Variants in FRMPD4 observed in about 807,000 individuals in gnomAD.
FRMPD4 encodes the protein FERM and PDZ domain containing 4.
A neutral mutation model predicts 94.1 loss-of-function variants in FRMPD4; 22 were observed. The ratio of observed to expected loss-of-function variants is 0.23; its 90% CI spans 0.17 to 0.33. The LOEUF (loss-of-function observed/expected upper bound fraction) is 0.33. Ranked by LOEUF, FRMPD4 falls within the 10% of genes least tolerant of loss-of-function variation. The pLI is 1.00. For synonymous variants in FRMPD4, 631 were observed against 548.6 expected, an observed-to-expected ratio of 1.15 and a Z score of -2.10; for missense variants, 1,111 against 1,339.9, an observed-to-expected ratio of 0.83 and a Z score of 2.67.
chrX:12,052,061 G>C (rs746324689), intron 3 of FRMPD4, among the ~76,000 whole-genome samples: 19 of 111,499 alleles, frequency 1.7e-4, no homozygotes, highest in East Asian at 5.6e-4. Context: ...CATATTTTAA[G>C]GTATACCTCA....
chrX:12,346,521 C>G (rs776544745), intron 1 of FRMPD4, among the ~76,000 whole-genome samples: 7 of 111,339 alleles, frequency 6.3e-5, no homozygotes, highest in African/African-American at 2.3e-4. Flanking sequence ...AAAATAATAC[C>G]TACTCCAGAG....
intron 3 of FRMPD4, among the ~76,000 whole-genome samples, chrX:12,011,078 C>T (rs974946306): frequency 1.8e-5 from 2 of 112,251 alleles, no homozygotes; most frequent in African/African-American, 6.5e-5. Flanking sequence ...CTTCAACCCA[C>T]CCCCTTAATG....
At chrX:12,087,426 A>G (rs889572044) in intron 3 of FRMPD4, among the ~76,000 whole-genome samples, 1 of 111,879 alleles carries the variant, frequency 8.9e-6, no homozygotes, top group Non-Finnish European at 1.9e-5. Context: ...TCCTCTTAGA[A>G]TTCCTTGCTC....
intron 1 of FRMPD4, among the ~76,000 whole-genome samples, chrX:12,159,928 G>A (rs1170806351): frequency 1.8e-5 from 2 of 111,855 alleles, no homozygotes; most frequent in South Asian, 3.8e-4. Flanking sequence ...GGAAGTGGGT[G>A]TGGAAAGATT....
chrX:12,624,024 A>G (rs1426103554), intron 4 of FRMPD4, among the ~76,000 whole-genome samples: 4 of 112,252 alleles, frequency 3.6e-5, no homozygotes, highest in African/African-American at 6.5e-5. Context: ...AAAAGAGAAT[A>G]CTATACACAA....
intron 2 of FRMPD4, among the ~76,000 whole-genome samples, chrX:12,580,361 G>C (rs2058852325): frequency 8.9e-6 from 1 of 111,911 alleles, no homozygotes. Flanking sequence ...TCTCTGTACA[G>C]TAGTCTCCCC....
chrX:12,327,369 G>C (rs1601821609), intron 1 of FRMPD4, among the ~76,000 whole-genome samples: 1 of 111,845 alleles, frequency 8.9e-6, no homozygotes, highest in East Asian at 2.8e-4. Context: ...TTATTACCAA[G>C]GGACTTAATT....
chrX:12,583,848 A>G (rs765778885), intron 2 of FRMPD4, among the ~76,000 whole-genome samples: 2 of 111,990 alleles, frequency 1.8e-5, no homozygotes, highest in East Asian at 5.6e-4. Flanking sequence ...TGACTCTTCT[A>G]GGGAACAACC....
chrX:12,693,102 G>A (rs1313254823), intron 8 of FRMPD4, among the ~76,000 whole-genome samples: 1 of 112,217 alleles, frequency 8.9e-6, no homozygotes, highest in African/African-American at 3.2e-5. Flanking sequence ...TTAGCGAACT[G>A]TAAATACATA....
chrX:12,701,871 C>T lies in FRMPD4; in HGVS notation c.934-3C>T, dbSNP rs780688814. 1 of 1,211,161 alleles carries T rather than the reference C, an allele frequency of 8.3e-7. No individual in the cohort carries two copies. Among genetic ancestry groups the T allele is most frequent in the South Asian group, 1.8e-5 (1 of 56,904 alleles). On this transcript the variant is annotated splice_polypyrimidine_tract_variant and splice_region_variant and intron_variant, in intron 9 of 16. Transcript: ENST00000675598. The stretch of plus-strand genomic sequence containing the variant: ...GCTGTGCCCCCTGCTGGTCTCTTCG[C>T]AGAGTTGTAACGATGTGGTTCAGGA...
intron 3 of FRMPD4, among the ~76,000 whole-genome samples, chrX:11,925,153 A>C (rs996398607): frequency 3.7e-5 from 4 of 107,880 alleles, no homozygotes; most frequent in Non-Finnish European, 5.8e-5. Flanking sequence ...AAAAAAAAAA[A>C]CATGAAGAAG....
rs1338458353 is a variant in FRMPD4, at chrX:12,722,514, C to G, written c.*656C>G. On this transcript the variant is annotated 3_prime_UTR_variant, in exon 17 of 17. Transcript: ENST00000675598. Reference sequence around the variant, plus strand: ...GTGGGGATGGATTCTACTGTGTCAGCACAAATGCTCTTCACAGTGGTTCTA... The same window carrying G: ...GTGGGGATGGATTCTACTGTGTCAGGACAAATGCTCTTCACAGTGGTTCTA... The G allele has an allele frequency of 1.8e-5, 2 of 111,811 alleles. No homozygotes were observed. The highest frequency in any genetic ancestry group is 5.6e-4 in the East Asian group (2 of 3,575). The allele number at this position is 111,811 out of a possible 1,213,427, so 9.2% of individuals were successfully genotyped here. A position where few individuals can be genotyped will look rare whatever the true frequency, so the allele number is the denominator to read the frequency against.
chrX:12,053,405 AGAAAG>A (rs1356010248), intron 3 of FRMPD4, among the ~76,000 whole-genome samples: 3 of 102,903 alleles, frequency 2.9e-5, no homozygotes, highest in African/African-American at 7.0e-5. Flanking sequence ...AAAGAAAGAA[AGAAAG>A]AAAGAAAGAA....
intron 1 of FRMPD4, among the ~76,000 whole-genome samples, chrX:12,359,225 T>A (rs980231371): frequency 8.9e-6 from 1 of 111,827 alleles, no homozygotes; most frequent in African/African-American, 3.3e-5. Context: ...TAGTCCCCAT[T>A]TAACTATTTT....
At chrX:12,657,821 C>A (rs1430902924) in intron 4 of FRMPD4, among the ~76,000 whole-genome samples, 1 of 112,609 alleles carries the variant, frequency 8.9e-6, no homozygotes, top group Non-Finnish European at 1.9e-5. Context: ...ATAGACTTTA[C>A]TAAACTGCAG....
chrX:12,648,899 C>T (rs1330459538), intron 4 of FRMPD4, among the ~76,000 whole-genome samples: 1 of 112,232 alleles, frequency 8.9e-6, no homozygotes, highest in African/African-American at 3.2e-5. Context: ...AGCCCATTTC[C>T]TCATGTAAAA....
intron 1 of FRMPD4, among the ~76,000 whole-genome samples, chrX:12,428,339 C>G (rs1325586741): frequency 9.0e-6 from 1 of 111,125 alleles, no homozygotes; most frequent in Non-Finnish European, 1.9e-5. Context: ...TTATTTGTTT[C>G]TTAACCATCT....
chrX:12,237,595 G>T (rs1192493351), intron 1 of FRMPD4, among the ~76,000 whole-genome samples: 2 of 112,016 alleles, frequency 1.8e-5, no homozygotes, highest in African/African-American at 3.2e-5. Flanking sequence ...TAATCCTGAG[G>T]ATTTCTGGAA....
intron 3 of FRMPD4, among the ~76,000 whole-genome samples, chrX:12,012,572 A>G (rs746829737): frequency 2.1e-4 from 23 of 111,879 alleles, no homozygotes; most frequent in Non-Finnish European, 1.1e-4. Flanking sequence ...TATACCTACC[A>G]TTCCCTAAAG....
Sources: gnomAD v4.1 joint callset for allele counts (sites outside exome capture counted in the v4.1 genomes callset) on GRCh38, gnomAD v4.1.1 for gene constraint, MANE v1.5 for transcripts, NCBI Gene and HGNC (gene_info 2026-07-23, HGNC 2026-07-21) for gene names.